Variants in EPB41L4B observed in about 807,000 individuals in gnomAD.
EPB41L4B encodes erythrocyte membrane protein band 4.1 like 4B, also known as band 4.1-like protein 4B.
A neutral mutation model predicts 112.5 loss-of-function variants in EPB41L4B; 30 were observed. The ratio of observed to expected loss-of-function variants is 0.27; its 90% CI spans 0.20 to 0.36. The LOEUF (loss-of-function observed/expected upper bound fraction) is 0.36. Among genes scored for constraint, EPB41L4B ranks in the 10% least tolerant of loss-of-function variants. The pLI is 1.00. For missense variants in EPB41L4B, 1,024 were observed against 1,133.3 expected, an observed-to-expected ratio of 0.90 and a Z score of 1.38; for synonymous variants, 408 against 439.7, an observed-to-expected ratio of 0.93 and a Z score of 0.90.
chr9:109,281,923 C>T (rs960877156), intron 1 of EPB41L4B, among the ~76,000 whole-genome samples: 3 of 152,096 alleles, frequency 2.0e-5, no homozygotes, highest in East Asian at 3.9e-4. Flanking sequence ...CATATGTTCA[C>T]GTAAAAACTT....
In EPB41L4B at chr9:109,320,534, G is replaced by T. The variant is rs1284949293; in HGVS notation, c.-88C>A. On this transcript the variant is annotated 5_prime_UTR_variant, in exon 1 of 26. Coordinates refer to ENST00000374566, the MANE Select transcript of EPB41L4B (RefSeq NM_019114.5). ...GCGCCGCCGCCCGGGAGCGTCCCGC[G>T]ACGCCGTCAGTGCCCTCGGCCGCCC... 115 of 774,302 alleles carry T rather than the reference G, an allele frequency of 1.5e-4. No individual in the cohort carries two copies. Among genetic ancestry groups the T allele is most frequent in the Middle Eastern group, 6.6e-4 (1 of 1,508 alleles). 48.0% of individuals were successfully genotyped at this position (774,302 alleles called of 1,614,324 possible).
At chr9:109,256,048 G>A (rs925235854) in intron 9 of EPB41L4B, 88 bp downstream of exon 9, 1 of 1,278,302 alleles carries the variant, frequency 7.8e-7, no homozygotes, top group South Asian at 1.3e-5. Context: ...TCTGGGTGTT[G>A]CAGATACCCC....
chr9:109,290,756 TCACACACACA>T (rs138900441), intron 1 of EPB41L4B, among the ~76,000 whole-genome samples: 3 of 141,376 alleles, frequency 2.1e-5, no homozygotes, highest in Non-Finnish European at 4.6e-5. Flanking sequence ...TATATATACC[TCACACACACA>T]CACACACACA....
intron 22 of EPB41L4B, 47 bp downstream of exon 22, chr9:109,192,231 T>C: frequency 6.7e-7 from 1 of 1,487,294 alleles, no homozygotes; most frequent in Non-Finnish European, 9.2e-7. Flanking sequence ...GCCAAGATGT[T>C]TCTATGGTCT....
At chr9:109,309,831 G>T (rs1837349562) in intron 1 of EPB41L4B, among the ~76,000 whole-genome samples, 1 of 152,220 alleles carries the variant, frequency 6.6e-6, no homozygotes, top group Middle Eastern at 3.4e-3. Flanking sequence ...ACAACTGGGG[G>T]AAGGTAGAGA....
chr9:109,310,851 C>T (rs937353400), intron 1 of EPB41L4B, among the ~76,000 whole-genome samples: 3 of 152,168 alleles, frequency 2.0e-5, no homozygotes, highest in Admixed American at 1.3e-4. Context: ...CATTACTCAG[C>T]GTTAGAAAGG....
At chr9:109,208,556 T>A (rs1833058856) in intron 17 of EPB41L4B, among the ~76,000 whole-genome samples, 1 of 152,232 alleles carries the variant, frequency 6.6e-6, no homozygotes, top group African/African-American at 2.4e-5. Context: ...TGTACTTCAG[T>A]AATTTGCATG....
rs1833042800 is a variant in EPB41L4B, at chr9:109,208,038, C to G, written c.1764G>C (p.Lys588Asn). 2.5e-6 allele frequency: 4 copies of G among 1,614,104 alleles called. No homozygotes were observed. Among genetic ancestry groups the G allele is most frequent in the Non-Finnish European group, 8.5e-7 (1 of 1,180,012 alleles). ...TCTGAAGAGTTTTCTCCGAGACTTT[C>G]TTTTCTTCAGCCTGAGACAAACCAA... The part of the protein sequence containing the change: ...LHININKAEE[K>N]KVSEKTLQTP... Residue 588 changes from lysine (K) to asparagine (N), a missense_variant, in exon 18 of 26, where the codon AAG (lysine) becomes AAC (asparagine). Transcript: ENST00000374566.
intron 19 of EPB41L4B, among the ~76,000 whole-genome samples, chr9:109,203,368 A>C (rs530850909): frequency 6.6e-6 from 1 of 152,266 alleles, no homozygotes; most frequent in African/African-American, 2.4e-5. Flanking sequence ...AGAGCCTTTA[A>C]AGGGCTTTAA....
chr9:109,207,205 G>A (rs971932853), intron 18 of EPB41L4B, among the ~76,000 whole-genome samples: 4 of 152,206 alleles, frequency 2.6e-5, no homozygotes, highest in Admixed American at 6.5e-5. Flanking sequence ...GATGGAAAGT[G>A]TGGCCTGCAG....
intron 21 of EPB41L4B, 74 bp downstream of exon 21, chr9:109,194,146 G>C (rs1832560237): frequency 4.7e-6 from 7 of 1,500,034 alleles, no homozygotes; most frequent in African/African-American, 2.8e-5. Flanking sequence ...ACATGCACCA[G>C]ATGCTACTCA....
chr9:109,295,822 T>C (rs1184365095), intron 1 of EPB41L4B, among the ~76,000 whole-genome samples: 3 of 152,012 alleles, frequency 2.0e-5, no homozygotes, highest in African/African-American at 4.8e-5. Context: ...GTGGTTTAGG[T>C]AATTCTTTTT....
At chr9:109,235,188 T>C (rs1476392071) in intron 15 of EPB41L4B, among the ~76,000 whole-genome samples, 1 of 152,194 alleles carries the variant, frequency 6.6e-6, no homozygotes, top group Non-Finnish European at 1.5e-5. Context: ...ATATCATTTC[T>C]ATTTCTTTTT....
intron 1 of EPB41L4B, chr9:109,307,250 TTTAA>T (rs1292594872): frequency 4.0e-6 from 2 of 497,596 alleles, no homozygotes; most frequent in South Asian, 1.5e-5. Context: ...CAGGAGCGTC[TTTAA>T]TTAAGAGGAA....
rs1835452390 is a variant in EPB41L4B at position 109,267,531 on chromosome 9, G to A, written c.475C>T (p.His159Tyr). Residue 159 changes from histidine to tyrosine, a missense_variant, in exon 4 of 26, where the codon CAC (histidine) becomes TAC (tyrosine). By Grantham distance (83) the His-to-Tyr change is moderately conservative. Coordinates refer to ENST00000374566, the MANE Select transcript of EPB41L4B (RefSeq NM_019114.5). ...QMKIGPAYALHFRVKYYSSEP... is the reference protein window; with the variant it reads ...QMKIGPAYALYFRVKYYSSEP... ...GAAGAATAGTATTTAACTCGAAAGT[G>A]TAAAGCATAAGCAGGTCCAACTAAA... is the stretch of plus-strand genomic sequence containing the variant. 3 of 1,612,762 alleles carry A rather than the reference G, an allele frequency of 1.9e-6. No homozygotes were observed. The highest frequency in any genetic ancestry group is 2.5e-6 in the Non-Finnish European group (3 of 1,178,872).
At chr9:109,204,138 C>A (rs1832920474) in intron 18 of EPB41L4B, among the ~76,000 whole-genome samples, 1 of 152,198 alleles carries the variant, frequency 6.6e-6, no homozygotes, top group South Asian at 2.1e-4. Flanking sequence ...TGGAATCTGT[C>A]CTTTCACATC....
rs551493446 is a variant in EPB41L4B, at chr9:109,234,814, C to T, written c.1409+8804G>A. 3.9e-5 allele frequency among the ~76,000 whole-genome samples: 6 copies of T among 152,312 alleles called. No individual in the cohort carries two copies. The South Asian group carries it at 1.2e-3, about 32-fold the overall frequency. On this transcript the variant is annotated intron_variant, in intron 15 of 25. Coordinates refer to ENST00000374566, the MANE Select transcript of EPB41L4B (RefSeq NM_019114.5). ...TGGAGGCTGCAGTGGGCCATGATTG[C>T]ACCACTGCACTCCAGCCTGGGTGAC...
At chr9:109,233,069 A>ACCAT (rs1324240195) in intron 15 of EPB41L4B, among the ~76,000 whole-genome samples, 1 of 152,144 alleles carries the variant, frequency 6.6e-6, no homozygotes, top group Non-Finnish European at 1.5e-5. Flanking sequence ...GGATGTTTAA[A>ACCAT]CCATTCACCA....
intron 11 of EPB41L4B, among the ~76,000 whole-genome samples, chr9:109,253,806 G>A (rs1232825382): frequency 1.3e-5 from 2 of 152,190 alleles, no homozygotes; most frequent in African/African-American, 4.8e-5. Context: ...CCACTTGGCT[G>A]CACAAACCAA....
Sources: gnomAD v4.1 joint callset for allele counts (sites outside exome capture counted in the v4.1 genomes callset) on GRCh38, gnomAD v4.1.1 for gene constraint, MANE v1.5 for transcripts, NCBI Gene and HGNC (gene_info 2026-07-23, HGNC 2026-07-21) for gene names.